The following SPAG6 variants were observed in gnomAD, a reference collection of about 807,000 sequenced individuals.
SPAG6 encodes sperm associated antigen 6.
SPAG6 carries 49 observed loss-of-function variants against 58.5 expected under a neutral mutation model. The observed-to-expected ratio is 0.84, with a 90% CI of 0.67 to 1.06. SPAG6 has a LOEUF of 1.06. Ranked by LOEUF, SPAG6 falls within the 50% of genes least tolerant of loss-of-function variation. The probability of loss-of-function intolerance (pLI) is 0.00; values close to 1 mark genes in which losing one functional copy is unlikely to be tolerated. For synonymous variants in SPAG6, 233 were observed against 225.6 expected (o/e 1.03, Z -0.29); for missense variants, 560 against 611.3 (o/e 0.92, Z 0.89).
chr10:22,413,582 T>G (rs1218905851), intron 10 of SPAG6, among the ~76,000 whole-genome samples: 1 of 151,904 alleles, frequency 6.6e-6, no homozygotes, highest in African/African-American at 2.4e-5. Context: ...CATTGTAAAT[T>G]TTTAACTTCT....
rs1277501696 is a variant in SPAG6, at chr10:22,392,857, G to A, written c.1197+937G>A. On this transcript the variant is annotated intron_variant, in intron 8 of 10. Coordinates refer to ENST00000376624, the MANE Select transcript of SPAG6 (RefSeq NM_012443.4). ...GTAAATTTTATAAAAGTAAATTTAT[G>A]TATATTTGGTCATGTTTGCATATTA... 2.6e-5 allele frequency among the ~76,000 whole-genome samples: 4 copies of A among 152,140 alleles called. No homozygotes were observed. The East Asian group carries it at 7.7e-4, about 29-fold the overall frequency.
At chr10:22,391,704 C>G (rs756864536) in intron 7 of SPAG6, 25 bp from the exon 8 acceptor site, 1 of 1,607,078 alleles carries the variant, frequency 6.2e-7, no homozygotes, top group Admixed American at 1.7e-5. Context: ...ATTCATAACA[C>G]TTGCTCTTTT....
chr10:22,413,750 T>G (rs1296036623), intron 10 of SPAG6, among the ~76,000 whole-genome samples: 1 of 150,934 alleles, frequency 6.6e-6, no homozygotes, highest in Non-Finnish European at 1.5e-5. Flanking sequence ...AGTTATGTTT[T>G]AAAGCATTAG....
At chr10:22,362,511 T>C (rs7069646) in intron 2 of SPAG6, among the ~76,000 whole-genome samples, 2 of 151,824 alleles carry the variant, frequency 1.3e-5, no homozygotes, top group African/African-American at 4.8e-5. Context: ...GAGGACAAGA[T>C]GGGAGGATCT....
At position 22,360,320 on chromosome 10, in the gene SPAG6, GT is replaced by G. The variant is rs1204700157; in HGVS notation, c.122-4522del. ...TTTGAGTGTCTTCTTGTTTTTGTTT[GT>G]TTTTTTTTTTCATAACTGGATTGCA... On this transcript the variant is annotated intron_variant, in intron 2 of 10. Transcript: ENST00000376624. 8.5e-3 allele frequency among the ~76,000 whole-genome samples: 1,175 copies of G among 137,476 alleles called. 14 individuals carry two copies. Among genetic ancestry groups the G allele is most frequent in the African/African-American group, 0.029 (1,078 of 37,548 alleles). The allele number at this position is 137,476 out of a possible 152,430, so 90.2% of individuals were successfully genotyped here. A position where few individuals can be genotyped will look rare whatever the true frequency, so the allele number is the denominator to read the frequency against.
intron 10 of SPAG6, among the ~76,000 whole-genome samples, chr10:22,415,042 A>G (rs962080855): frequency 2.0e-5 from 3 of 152,128 alleles, no homozygotes; most frequent in Admixed American, 6.5e-5. Flanking sequence ...CTGGGATTAC[A>G]GGTGTGGGCC....
intron 4 of SPAG6, among the ~76,000 whole-genome samples, chr10:22,377,290 A>G (rs1317126415): frequency 6.6e-6 from 1 of 152,204 alleles, no homozygotes; most frequent in Non-Finnish European, 1.5e-5. Context: ...CGACTGCCCC[A>G]GCTGACAACT....
chr10:22,374,703 G>A (rs907910034), intron 4 of SPAG6, among the ~76,000 whole-genome samples: 1 of 151,838 alleles, frequency 6.6e-6, no homozygotes, highest in Non-Finnish European at 1.5e-5. Context: ...TTGAGCCCAG[G>A]AGGTTGAGGC....
At chr10:22,353,741 GAC>G (rs1379489841) in intron 2 of SPAG6, among the ~76,000 whole-genome samples, 1 of 152,178 alleles carries the variant, frequency 6.6e-6, no homozygotes, top group Non-Finnish European at 1.5e-5. Context: ...CTAATGGAAA[GAC>G]ATATAAATAA....
chr10:22,389,199 G>C lies in SPAG6; in HGVS notation c.892G>C (p.Val298Leu). ...AGTTAACGCAGGAGGGGTTGCTGCC[G>C]TGATTGACTGCATTGGGTCCTGCAA... ...LVVNAGGVAA[V>L]IDCIGSCKGN... The change falls in exon 7 of 11, where the codon GTG (valine) becomes CTG (leucine). Residue 298 changes from valine to leucine, a missense_variant. By Grantham distance (32) the Val-to-Leu change is conservative. Coordinates refer to ENST00000376624, the MANE Select transcript of SPAG6 (RefSeq NM_012443.4). The C allele has an allele frequency of 6.2e-7, 1 of 1,613,422 alleles. No individual in the cohort carries two copies. Among genetic ancestry groups the C allele is most frequent in the Non-Finnish European group, 8.5e-7 (1 of 1,179,702 alleles).
intron 9 of SPAG6, 96 bp downstream of exon 9, chr10:22,401,373 G>A: frequency 8.6e-6 from 6 of 695,156 alleles, no homozygotes; most frequent in Middle Eastern, 2.4e-4. Context: ...CTGTAACACG[G>A]GGTCATGGTT....
chr10:22,365,505 C>T (rs1837172171), intron 3 of SPAG6, among the ~76,000 whole-genome samples: 2 of 152,154 alleles, frequency 1.3e-5, no homozygotes, highest in East Asian at 3.8e-4. Context: ...GGCATGCCAA[C>T]TCTGTTAAGC....
At chr10:22,408,785 G>A (rs1267218750) in intron 9 of SPAG6, among the ~76,000 whole-genome samples, 8 of 151,488 alleles carry the variant, frequency 5.3e-5, no homozygotes, top group Non-Finnish European at 7.4e-5. Context: ...AGCAATCAGC[G>A]AGACTCTGTG....
intron 4 of SPAG6, among the ~76,000 whole-genome samples, chr10:22,384,976 G>A (rs763761445): frequency 6.6e-5 from 10 of 151,756 alleles, no homozygotes; most frequent in African/African-American, 9.7e-5. Context: ...TTCTTTACTC[G>A]TAGAAACTGG....
chr10:22,374,741 A>T (rs1236642797), intron 4 of SPAG6, among the ~76,000 whole-genome samples: 2 of 151,868 alleles, frequency 1.3e-5, no homozygotes, highest in Non-Finnish European at 2.9e-5. Context: ...GTGCCACTGA[A>T]CTCCAGCCTG....
chr10:22,411,379 G>A (rs755980189), intron 10 of SPAG6: 8 of 445,914 alleles, frequency 1.8e-5, no homozygotes, highest in Non-Finnish European at 2.4e-5. Context: ...ATTCAAACTG[G>A]AATGTCATTT....
chr10:22,355,212 G>C lies in SPAG6; in HGVS notation c.121+9394G>C, dbSNP rs149044000. On this transcript the variant is annotated intron_variant, in intron 2 of 10. Coordinates refer to ENST00000376624, the MANE Select transcript of SPAG6 (RefSeq NM_012443.4). ...TAGACAGTAGGGAGGAGAAACCGGA[G>C]AGCATAGACGCGAGCCATGAAGAGC... 2.1e-3 allele frequency among the ~76,000 whole-genome samples: 316 copies of C among 152,316 alleles called. 1 individual carries two copies. The highest frequency in any genetic ancestry group is 7.5e-3 in the African/African-American group (311 of 41,558).
intron 2 of SPAG6, among the ~76,000 whole-genome samples, chr10:22,354,925 C>T (rs1268275492): frequency 2.7e-5 from 4 of 150,736 alleles, no homozygotes; most frequent in Admixed American, 6.6e-5. Context: ...ATCCGGGAAG[C>T]GGAGGTTGCT....
At chr10:22,410,650 A>G (rs1225441412) in intron 9 of SPAG6, among the ~76,000 whole-genome samples, 1 of 152,140 alleles carries the variant, frequency 6.6e-6, no homozygotes, top group Non-Finnish European at 1.5e-5. Context: ...AATATTTAGG[A>G]TGGAGATTAG....
Sources: gnomAD v4.1 joint callset for allele counts (sites outside exome capture counted in the v4.1 genomes callset) on GRCh38, gnomAD v4.1.1 for gene constraint, MANE v1.5 for transcripts, NCBI Gene and HGNC (gene_info 2026-07-23, HGNC 2026-07-21) for gene names.